Variants in SLC2A14 observed in about 807,000 individuals in gnomAD.
SLC2A14 encodes solute carrier family 2 member 14.
In SLC2A14, 13 loss-of-function variants were observed where a neutral mutation model predicts 43.0. The observed-to-expected ratio is 0.30, with a 90% CI of 0.20 to 0.48. The LOEUF (loss-of-function observed/expected upper bound fraction) is 0.48. Ranked by LOEUF, SLC2A14 falls within the 20% of genes least tolerant of loss-of-function variation. The pLI is 0.99. For synonymous variants in SLC2A14, 190 were observed against 233.8 expected (o/e 0.81, Z 1.71); for missense variants, 428 against 620.4 (o/e 0.69, Z 3.29).
chr12:7,828,960 C>A, intron 5 of SLC2A14, 94 bp from the exon 6 acceptor site: 1 of 1,466,790 alleles, frequency 6.8e-7, no homozygotes, highest in Non-Finnish European at 9.2e-7. Flanking sequence ...CAGTAGCTTA[C>A]GCCTGTAATT....
At chr12:7,850,510 C>T (rs1866840130) in intron 2 of SLC2A14, among the ~76,000 whole-genome samples, 1 of 152,048 alleles carries the variant, frequency 6.6e-6, no homozygotes, top group Non-Finnish European at 1.5e-5. Context: ...ATTCTCCTGC[C>T]TCAGCCTCCC....
chr12:7,826,864 T>TCCTTCCTTCCTTCCTTCCTTCCTTCCTTC lies in SLC2A14; in HGVS notation c.864+630_864+631insGAAGGAAGGAAGGAAGGAAGGAAGGAAGG, dbSNP rs71457018. On this transcript the variant is annotated intron_variant, in intron 7 of 10. Transcript: ENST00000431042. ...TTCCTTCCTTCCTTCCTTTCTTTTT[T>TCCTTCCTTCCTTCCTTCCTTCCTTCCTTC]CTTTCTTTCTTTCTTTCTTTCTTTC... 1.2e-3 allele frequency among the ~76,000 whole-genome samples: 48 copies of TCCTTCCTTCCTTCCTTCCTTCCTTCCTTC among 40,574 alleles called. 4 individuals carry two copies. Among genetic ancestry groups the TCCTTCCTTCCTTCCTTCCTTCCTTCCTTC allele is most frequent in the African/African-American group, 3.9e-3 (41 of 10,532 alleles). 26.6% of individuals were successfully genotyped at this position (40,574 alleles called of 152,430 possible). A position where few individuals can be genotyped will look rare whatever the true frequency, so the allele number is the denominator to read the frequency against.
intron 2 of SLC2A14, among the ~76,000 whole-genome samples, chr12:7,865,938 C>T (rs1179053510): frequency 6.6e-6 from 1 of 151,988 alleles, no homozygotes; most frequent in African/African-American, 2.4e-5. Context: ...TGACAGGGGC[C>T]GGGCATGGTA....
Position 7,832,923 on chromosome 12 carries a change from T to TA in SLC2A14, c.19-110dup. 6 of 1,034,420 alleles carry TA rather than the reference T, an allele frequency of 5.8e-6. No homozygotes were observed. The South Asian group carries it at 9.2e-5, about 16-fold the overall frequency. The allele number at this position is 1,034,420 out of a possible 1,614,324, so 64.1% of individuals were successfully genotyped here. ...TTAGGAGAATCTGACCTATGAGTGG[T>TA]ATGAAAAGGACAAACATCAAACGAG... is the stretch of plus-strand genomic sequence containing the variant. On this transcript the variant is annotated intron_variant, in intron 2 of 10. Coordinates refer to ENST00000431042, the MANE Select transcript of SLC2A14 (RefSeq NM_001286234.2).
rs1357761919 is a variant in SLC2A14, at chr12:7,840,709, T to G, written c.19-7895A>C. On this transcript the variant is annotated intron_variant, in intron 2 of 10. Transcript: ENST00000431042. Reference sequence around the variant, plus strand: ...CCTGTGTTGTTTTGTTATAGCAGCATGAACAAACTTAGACAGAGGGTAGGG... The same window carrying G: ...CCTGTGTTGTTTTGTTATAGCAGCAGGAACAAACTTAGACAGAGGGTAGGG... Among the ~76,000 whole-genome samples, 9 of 152,278 alleles carry G rather than the reference T, an allele frequency of 5.9e-5. 2 individuals are homozygous for G. In the South Asian group the frequency reaches 1.9e-3, roughly 32 times the overall value.
intron 7 of SLC2A14, among the ~76,000 whole-genome samples, chr12:7,826,873 CT>C (rs1162316142): frequency 2.0e-4 from 4 of 20,022 alleles, no homozygotes; most frequent in African/African-American, 4.3e-4. Flanking sequence ...TTCTTTCTTT[CT>C]TTCTTTCTTT....
intron 2 of SLC2A14, among the ~76,000 whole-genome samples, chr12:7,859,321 C>A (rs1363619073): frequency 6.6e-6 from 1 of 151,842 alleles, no homozygotes; most frequent in Non-Finnish European, 1.5e-5. Context: ...ACCCAGGAGG[C>A]AGTGGTTGCG....
intron 6 of SLC2A14, among the ~76,000 whole-genome samples, chr12:7,828,152 A>G (rs958616642): frequency 1.3e-5 from 2 of 152,020 alleles, no homozygotes; most frequent in Non-Finnish European, 2.9e-5. Context: ...TCACAAGGTC[A>G]GGAGTTTGAG....
At chr12:7,828,298 G>A (rs1167337573) in intron 6 of SLC2A14, among the ~76,000 whole-genome samples, 3 of 151,824 alleles carry the variant, frequency 2.0e-5, no homozygotes, top group Non-Finnish European at 2.9e-5. Context: ...CTGGGAGGCA[G>A]AGGTTGCAGT....
chr12:7,833,545 C>T (rs1865203948), intron 2 of SLC2A14, among the ~76,000 whole-genome samples: 1 of 152,120 alleles, frequency 6.6e-6, no homozygotes, highest in Admixed American at 6.5e-5. Flanking sequence ...GGCAGGTGGG[C>T]CAAGGCAGGT....
chr12:7,846,585 C>CTA (rs1466710450), intron 2 of SLC2A14, among the ~76,000 whole-genome samples: 1 of 151,434 alleles, frequency 6.6e-6, no homozygotes, highest in African/African-American at 2.4e-5. Context: ...AGTGAAAAAA[C>CTA]TATAGTATAT....
chr12:7,862,053 G>A (rs939148913), intron 2 of SLC2A14, among the ~76,000 whole-genome samples: 5 of 151,068 alleles, frequency 3.3e-5, no homozygotes, highest in Admixed American at 6.6e-5. Flanking sequence ...ATCACGAGGT[G>A]AGGAGTTTGA....
chr12:7,884,138 T>C (rs1226123712), intron 1 of SLC2A14, among the ~76,000 whole-genome samples: 2 of 151,910 alleles, frequency 1.3e-5, no homozygotes, highest in Non-Finnish European at 2.9e-5. Context: ...TTAGCCAGGA[T>C]GGTCTTGATC....
At chr12:7,841,301 C>G (rs1865926610) in intron 2 of SLC2A14, among the ~76,000 whole-genome samples, 1 of 152,086 alleles carries the variant, frequency 6.6e-6, no homozygotes, top group Admixed American at 6.5e-5. Flanking sequence ...CACTCTGTCA[C>G]CCAGGCTGGA....
rs1565507403 is a variant in SLC2A14, at chr12:7,826,858, C to CCTTCCTTTCTTTCTT, written c.864+636_864+637insAAGAAAGAAAGGAAG. Among the ~76,000 whole-genome samples the CCTTCCTTTCTTTCTT allele has an allele frequency of 8.7e-3, 378 of 43,218 alleles. 37 individuals carry two copies. The highest frequency in any genetic ancestry group is 0.016 in the East Asian group (28 of 1,730). The allele number at this position is 43,218 out of a possible 152,430, so 28.4% of individuals were successfully genotyped here. On this transcript the variant is annotated intron_variant, in intron 7 of 10. Transcript: ENST00000431042. ...CTTTCCTTCCTTCCTTCCTTCCTTT[C>CCTTCCTTTCTTTCTT]TTTTTTCTTTCTTTCTTTCTTTCTT...
In SLC2A14 at chr12:7,821,317, A is replaced by G; in HGVS notation, c.873T>C (p.Tyr291=). The change falls in exon 8 of 11, where the codon TAT becomes TAC. Residue 291 remains tyrosine (Y), a synonymous_variant. Coordinates refer to ENST00000431042, the MANE Select transcript of SLC2A14 (RefSeq NM_001286234.2). ...CATCCTTGAAGATTCCTGTTGAGTA[A>G]TAGAACACCTAGGAGAAAAGAAAAC... ...QQLSGINAVF[Y]YSTGIFKDAG... is the part of the protein sequence containing the mutation. The G allele has an allele frequency of 2.5e-6, 4 of 1,613,312 alleles. No individual in the cohort carries two copies. In the East Asian group the frequency reaches 8.9e-5, roughly 36 times the overall value.
At chr12:7,871,500 C>T (rs73057377) in intron 1 of SLC2A14, 1,791 of 162,958 alleles carry the variant, frequency 0.011, 35 homozygotes, top group African/African-American at 0.036. Context: ...TTGAGGGCTT[C>T]GGGTCCCAGC....
rs35514872 is a variant in SLC2A14 at position 7,835,100 on chromosome 12, T to TA, written c.19-2287dup. On this transcript the variant is annotated intron_variant, in intron 2 of 10. Coordinates refer to ENST00000431042, the MANE Select transcript of SLC2A14 (RefSeq NM_001286234.2). The stretch of plus-strand genomic sequence containing the variant: ...TTTTGAAATCTTTCTGTAGCTCTAT[T>TA]AAAAAAAAAAAAAAAGAGGAAATGT... Among the ~76,000 whole-genome samples the TA allele has an allele frequency of 7.1e-3, 1,029 of 144,090 alleles. 14 individuals are homozygous for TA. Among genetic ancestry groups the TA allele is most frequent in the African/African-American group, 0.023 (889 of 38,404 alleles). The allele number at this position is 144,090 out of a possible 152,430, so 94.5% of individuals were successfully genotyped here. A position where few individuals can be genotyped will look rare whatever the true frequency, so the allele number is the denominator to read the frequency against.
chr12:7,871,998 T>G, intron 1 of SLC2A14: 5 of 634,526 alleles, frequency 7.9e-6, no homozygotes, highest in Non-Finnish European at 9.8e-6. Context: ...AAAAGTAAGG[T>G]ACTATTTATT....
Sources: gnomAD v4.1 joint callset for allele counts (sites outside exome capture counted in the v4.1 genomes callset) on GRCh38, gnomAD v4.1.1 for gene constraint, MANE v1.5 for transcripts, NCBI Gene and HGNC (gene_info 2026-07-23, HGNC 2026-07-21) for gene names.